ANKRD18A: variants seen among roughly 807,000 people sequenced by gnomAD.
ANKRD18A encodes the protein ankyrin repeat domain 18A.
A neutral mutation model predicts 110.6 loss-of-function variants in ANKRD18A; 72 were observed. That is an observed-to-expected ratio of 0.65 (90% CI 0.54 to 0.79). ANKRD18A has a LOEUF of 0.79. Among genes scored for constraint, ANKRD18A ranks in the 30% least tolerant of loss-of-function variants. ANKRD18A has a pLI of 0.00. For missense variants in ANKRD18A, 934 were observed against 1,163.3 expected, an observed-to-expected ratio of 0.80 and a Z score of 2.87; for synonymous variants, 305 against 410.3, an observed-to-expected ratio of 0.74 and a Z score of 3.10.
intron 14 of ANKRD18A, 125 bp from the exon 15 acceptor site, chr9:38,575,823 A>G (rs1823868773): frequency 1.1e-6 from 1 of 895,000 alleles, no homozygotes; most frequent in South Asian, 1.8e-5. Context: ...GTGCTTTCAC[A>G]CAAAGATGTG....
chr9:38,578,571 C>T (rs1180840490), intron 12 of ANKRD18A, among the ~76,000 whole-genome samples: 1 of 152,134 alleles, frequency 6.6e-6, no homozygotes, highest in Non-Finnish European at 1.5e-5. Flanking sequence ...CAGAATAAGA[C>T]TTTGAAAATA....
At position 38,616,018 on chromosome 9, in the gene ANKRD18A, T is replaced by C; in HGVS notation, c.233A>G (p.His78Arg). 6.3e-7 allele frequency: 1 copy of C among 1,592,532 alleles called. No individual in the cohort carries two copies. Among genetic ancestry groups the C allele is most frequent in the Non-Finnish European group, 8.6e-7 (1 of 1,168,814 alleles). ...DRTVLHLACA[H>R]GRVQVVTLLL... ...GAGAGTGACCACTTGCACACGGCCATGGGCACAGGCCAAATGTAGAACAGT... is the reference window on the plus strand; with the variant it reads ...GAGAGTGACCACTTGCACACGGCCACGGGCACAGGCCAAATGTAGAACAGT... The change falls in exon 2 of 16, where the codon CAT becomes CGT. Residue 78 changes from histidine (H) to arginine (R), a missense_variant. Around this residue, in one of 4 missense-constraint regions of ANKRD18A, gnomAD observed 630 missense variants for 797.5 expected, o/e 0.79. Coordinates refer to ENST00000399703, the MANE Select transcript of ANKRD18A (RefSeq NM_147195.4).
At chr9:38,591,899 C>T (rs1286891011) in intron 10 of ANKRD18A, among the ~76,000 whole-genome samples, 4 of 152,166 alleles carry the variant, frequency 2.6e-5, no homozygotes, top group African/African-American at 9.7e-5. Flanking sequence ...GAATCAGTTC[C>T]CTCCCAGCAG....
At chr9:38,620,055 A>G (rs1417610609) in intron 1 of ANKRD18A, 25 bp downstream of exon 1, 2 of 1,548,296 alleles carry the variant, frequency 1.3e-6, no homozygotes, top group South Asian at 2.4e-5. Context: ...GCCCCCTCCC[A>G]CCGCGGGCTG....
chr9:38,592,238 A>G (rs1824682257), intron 10 of ANKRD18A, among the ~76,000 whole-genome samples: 1 of 151,956 alleles, frequency 6.6e-6, no homozygotes, highest in African/African-American at 2.4e-5. Context: ...ATTTTGTTCT[A>G]TGCTGAAAGC....
chr9:38,585,487 G>C (rs1824341964), intron 12 of ANKRD18A, among the ~76,000 whole-genome samples: 1 of 152,014 alleles, frequency 6.6e-6, no homozygotes, highest in Non-Finnish European at 1.5e-5. Flanking sequence ...AAACTGTAAT[G>C]TGACTGTCTC....
downstream of ANKRD18A, chr9:38,567,826 C>G (rs1475642370): frequency 6.6e-6 from 1 of 152,230 alleles, no homozygotes; most frequent in Non-Finnish European, 1.5e-5. Flanking sequence ...GATGCTCTTT[C>G]TTAAAGCCCG....
At position 38,571,755 on chromosome 9, in the gene ANKRD18A, G is replaced by T. The variant is rs199619821; in HGVS notation, c.*290C>A. 6.2e-5 allele frequency: 67 copies of T among 1,077,968 alleles called. No individual in the cohort carries two copies. The African/African-American group carries it at 1.0e-3, about 17-fold the overall frequency. 66.8% of individuals were successfully genotyped at this position (1,077,968 alleles called of 1,614,324 possible). ...ATTTGAGTAGGCCAAACTCAATAAC[G>T]CTGGTGTTCATTTGCAAGATCCACT... On this transcript the variant is annotated 3_prime_UTR_variant, in exon 16 of 16. Transcript: ENST00000399703.
chr9:38,584,902 T>C (rs939809274), intron 12 of ANKRD18A, among the ~76,000 whole-genome samples: 16 of 152,274 alleles, frequency 1.1e-4, no homozygotes, highest in African/African-American at 3.6e-4. Flanking sequence ...ACTCTTATAA[T>C]GTGGTTTACT....
Position 38,571,400 on chromosome 9 carries a change from A to T in ANKRD18A, c.*645T>A. On this transcript the variant is annotated 3_prime_UTR_variant, in exon 16 of 16. Coordinates refer to ENST00000399703, the MANE Select transcript of ANKRD18A (RefSeq NM_147195.4). ...TTATTGGTTTTATTTCTCCATGTAGAACAAAGAAGAAAATAAGAAAAACAA... is the reference window on the plus strand; with the variant it reads ...TTATTGGTTTTATTTCTCCATGTAGTACAAAGAAGAAAATAAGAAAAACAA... 1.5e-6 allele frequency: 1 copy of T among 660,646 alleles called. No homozygotes were observed. The highest frequency in any genetic ancestry group is 2.2e-6 in the Non-Finnish European group (1 of 463,140). 40.9% of individuals were successfully genotyped at this position (660,646 alleles called of 1,614,324 possible).
chr9:38,594,964 A>ACATTT (rs1432737898), intron 9 of ANKRD18A, among the ~76,000 whole-genome samples: 1 of 152,150 alleles, frequency 6.6e-6, no homozygotes, highest in Non-Finnish European at 1.5e-5. Flanking sequence ...GCATCTACTA[A>ACATTT]CATTTCATAG....
Position 38,577,103 on chromosome 9 carries a change from G to T in ANKRD18A, c.2691C>A (p.Ala897=). 5 of 1,549,042 alleles carry T rather than the reference G, an allele frequency of 3.2e-6. No homozygotes were observed. Among genetic ancestry groups the T allele is most frequent in the Non-Finnish European group, 4.4e-6 (5 of 1,146,268 alleles). Residue 897 remains alanine (A), a synonymous_variant, in exon 14 of 16, where the codon GCC becomes GCA. Coordinates refer to ENST00000399703, the MANE Select transcript of ANKRD18A (RefSeq NM_147195.4). ...TGTTAGCTTTCACTGCTCCTGCAAAGGCTTCCTTAAATTCTTCTAATTCAG... is the reference window on the plus strand; with the variant it reads ...TGTTAGCTTTCACTGCTCCTGCAAATGCTTCCTTAAATTCTTCTAATTCAG... ...VTTELEEFKE[A]FAGAVKANNS... is the part of the protein sequence containing the mutation.
intron 11 of ANKRD18A, among the ~76,000 whole-genome samples, chr9:38,587,875 G>A (rs979308050): frequency 8.5e-5 from 13 of 152,162 alleles, no homozygotes; most frequent in African/African-American, 3.1e-4. Context: ...GGATCATGAG[G>A]TCAGGAGTTC....
intron 12 of ANKRD18A, among the ~76,000 whole-genome samples, chr9:38,584,384 T>C (rs551389271): frequency 3.2e-4 from 49 of 152,288 alleles, no homozygotes; most frequent in Non-Finnish European, 5.7e-4. Flanking sequence ...GGTGGTTCCC[T>C]AGGGCTGAGG....
chr9:38,571,106 G>A (rs1318927213), downstream of ANKRD18A: 1 of 1,522,766 alleles, frequency 6.6e-7, no homozygotes, highest in Admixed American at 2.1e-5. Context: ...AAGGCCCTTT[G>A]CTAGTTTCTT....
intron 7 of ANKRD18A, among the ~76,000 whole-genome samples, chr9:38,602,376 GAT>G (rs1356980098): frequency 1.1e-4 from 16 of 152,086 alleles, no homozygotes; most frequent in Non-Finnish European, 7.3e-5. Flanking sequence ...GGGCAGGAAA[GAT>G]AGCACATGCC....
intron 14 of ANKRD18A, among the ~76,000 whole-genome samples, chr9:38,576,850 C>CA (rs201777416): frequency 0.011 from 1,737 of 151,562 alleles, 34 homozygotes; most frequent in African/African-American, 0.04. Flanking sequence ...CACACAAAAA[C>CA]AAAAAAAGAG....
intron 6 of ANKRD18A, among the ~76,000 whole-genome samples, chr9:38,603,448 T>A (rs1371849079): frequency 6.6e-6 from 1 of 152,124 alleles, no homozygotes; most frequent in Admixed American, 6.5e-5. Flanking sequence ...ATCTATCCTC[T>A]ACAAAATGGG....
chr9:38,615,073 A>G (rs1825792420), intron 3 of ANKRD18A, among the ~76,000 whole-genome samples: 1 of 152,228 alleles, frequency 6.6e-6, no homozygotes, highest in South Asian at 2.1e-4. Context: ...ACAACAAACT[A>G]AAAAACAAAA....
Sources: allele counts gnomAD v4.1 joint callset (sites outside exome capture counted in the v4.1 genomes callset), GRCh38; gene constraint gnomAD v4.1.1; regional missense constraint gnomAD v4.1.1; transcripts MANE v1.5; gene names NCBI Gene and HGNC (gene_info 2026-07-23, HGNC 2026-07-21).